The following GRIP1 variants were observed in gnomAD, a reference collection of about 807,000 sequenced individuals.
GRIP1 encodes the protein glutamate receptor-interacting protein 1.
A neutral mutation model predicts 129.9 loss-of-function variants in GRIP1; 45 were observed. That is an observed-to-expected ratio of 0.35 (90% CI 0.27 to 0.44). The LOEUF is 0.44. Among genes scored for constraint, GRIP1 ranks in the 20% least tolerant of loss-of-function variants. The pLI is 1.00. For missense variants in GRIP1, 1,196 were observed against 1,396.8 expected (o/e 0.86, Z 2.29); for synonymous variants, 530 against 520.8 (o/e 1.02, Z -0.24).
chr12:66,815,062 T>C (rs956512934), intron 1 of GRIP1, among the ~76,000 whole-genome samples: 1 of 152,208 alleles, frequency 6.6e-6, no homozygotes, highest in Non-Finnish European at 1.5e-5. Context: ...AGCCAAACTA[T>C]ATCAGCAGAT....
At chr12:66,626,865 A>C (rs917596708) in intron 1 of GRIP1, 1 of 152,438 alleles carries the variant, frequency 6.6e-6, no homozygotes, top group East Asian at 1.9e-4. Flanking sequence ...AGAACTTGGC[A>C]CTGATGCTAT....
At chr12:66,653,791 ATATCTATACTCAAAAACAAGATT>A (rs971460099) in intron 1 of GRIP1, among the ~76,000 whole-genome samples, 2 of 152,242 alleles carry the variant, frequency 1.3e-5, no homozygotes, top group Non-Finnish European at 2.9e-5. Context: ...TTTAGGGGGC[ATATCTATACTCAAAAACAAGATT>A]TATACCTCTG....
At chr12:66,865,171 C>G (rs139705963) in intron 1 of GRIP1, among the ~76,000 whole-genome samples, 1 of 152,080 alleles carries the variant, frequency 6.6e-6, no homozygotes, top group African/African-American at 2.4e-5. Context: ...CAAGGAAGCA[C>G]GGCAAGAAGA....
chr12:66,477,716 A>G (rs1393291017), intron 7 of GRIP1, among the ~76,000 whole-genome samples: 5 of 152,232 alleles, frequency 3.3e-5, no homozygotes, highest in Non-Finnish European at 5.9e-5. Context: ...GCCCTCAGAA[A>G]TAATACCACA....
chr12:67,057,238 G>A (rs556433045), intron 1 of GRIP1, among the ~76,000 whole-genome samples: 2 of 152,140 alleles, frequency 1.3e-5, no homozygotes, highest in South Asian at 2.1e-4. Context: ...ATAAGGGTGT[G>A]CCCTGATCTG....
rs192486869 is a variant in GRIP1, at chr12:66,487,760, G to A, written c.725-22338C>T. ...ACCCATCTCATGTGCAAAGACACAC[G>A]TAGACTGAAAATAAAGGGATGGAGG... is the stretch of plus-strand genomic sequence containing the variant. On this transcript the variant is annotated intron_variant, in intron 7 of 24. Transcript: ENST00000359742. Among the ~76,000 whole-genome samples the A allele has an allele frequency of 1.6e-3, 247 of 152,174 alleles. 2 individuals carry two copies. Among genetic ancestry groups the A allele is most frequent in the East Asian group, 9.7e-4 (5 of 5,180 alleles).
intron 1 of GRIP1, among the ~76,000 whole-genome samples, chr12:67,063,489 G>A (rs958389279): frequency 4.6e-5 from 7 of 152,074 alleles, no homozygotes; most frequent in Non-Finnish European, 8.8e-5. Context: ...TTATATTTAA[G>A]AATCTTTTCA....
At chr12:66,745,250 C>A (rs1240367161) in intron 1 of GRIP1, among the ~76,000 whole-genome samples, 1 of 152,170 alleles carries the variant, frequency 6.6e-6, no homozygotes, top group African/African-American at 2.4e-5. Context: ...GAAGAAAATA[C>A]ACAAATGACT....
intron 19 of GRIP1, among the ~76,000 whole-genome samples, chr12:66,380,185 C>T (rs1327454909): frequency 6.6e-6 from 1 of 152,130 alleles, no homozygotes; most frequent in Non-Finnish European, 1.5e-5. Context: ...GCTGTGATTA[C>T]AGGTGTGAGC....
intron 5 of GRIP1, among the ~76,000 whole-genome samples, chr12:66,524,810 A>G (rs2061162747): frequency 6.6e-6 from 1 of 152,222 alleles, no homozygotes; most frequent in African/African-American, 2.4e-5. Flanking sequence ...AATAGAGAGA[A>G]GAATCAAATA....
chr12:66,860,908 C>A (rs2040100074), intron 1 of GRIP1, among the ~76,000 whole-genome samples: 1 of 151,958 alleles, frequency 6.6e-6, no homozygotes, highest in Non-Finnish European at 1.5e-5. Flanking sequence ...CACATTGTGG[C>A]AACAGAAAGC....
At chr12:66,897,672 CAG>C (rs1396252023) in intron 1 of GRIP1, among the ~76,000 whole-genome samples, 1 of 152,188 alleles carries the variant, frequency 6.6e-6, no homozygotes, top group Non-Finnish European at 1.5e-5. Context: ...CACCAGGTAA[CAG>C]ATCCAATTAT....
intron 1 of GRIP1, among the ~76,000 whole-genome samples, chr12:66,766,674 A>G (rs892240300): frequency 2.0e-5 from 3 of 151,688 alleles, no homozygotes; most frequent in African/African-American, 7.3e-5. Flanking sequence ...CAGTAACAGT[A>G]CAGGAGGTTC....
At chr12:66,521,773 G>C (rs1454123294) in intron 5 of GRIP1, among the ~76,000 whole-genome samples, 1 of 152,202 alleles carries the variant, frequency 6.6e-6, no homozygotes, top group Non-Finnish European at 1.5e-5. Flanking sequence ...GGTGACAGAC[G>C]GCACCTGGAA....
At chr12:66,506,071 T>C (rs533141904) in intron 7 of GRIP1, among the ~76,000 whole-genome samples, 12 of 152,302 alleles carry the variant, frequency 7.9e-5, no homozygotes, top group Non-Finnish European at 1.5e-4. Flanking sequence ...ATGTGAAGGA[T>C]GTGAAACTGT....
chr12:67,008,332 T>C (rs776339025), intron 1 of GRIP1, among the ~76,000 whole-genome samples: 28 of 152,166 alleles, frequency 1.8e-4, no homozygotes, highest in Non-Finnish European at 3.5e-4. Flanking sequence ...ATGTGGAGTT[T>C]GGATAAGCAA....
intron 15 of GRIP1, among the ~76,000 whole-genome samples, chr12:66,413,371 A>T (rs1198230335): frequency 1.3e-5 from 2 of 152,154 alleles, no homozygotes; most frequent in Non-Finnish European, 2.9e-5. Flanking sequence ...GAATAATAAA[A>T]TTAAGGCAGA....
intron 1 of GRIP1, among the ~76,000 whole-genome samples, chr12:66,718,889 T>C (rs1339628490): frequency 6.6e-6 from 1 of 152,012 alleles, no homozygotes; most frequent in East Asian, 1.9e-4. Context: ...TAAATATTCT[T>C]TGTAAACTTA....
At chr12:66,532,747 T>C (rs1014736886) in intron 4 of GRIP1, among the ~76,000 whole-genome samples, 1 of 151,984 alleles carries the variant, frequency 6.6e-6, no homozygotes, top group Non-Finnish European at 1.5e-5. Flanking sequence ...GACCTGAGAC[T>C]CTTTCTCCCT....
Sources: gnomAD v4.1 joint callset for allele counts (sites outside exome capture counted in the v4.1 genomes callset) on GRCh38, gnomAD v4.1.1 for gene constraint, MANE v1.5 for transcripts, NCBI Gene and HGNC (gene_info 2026-07-23, HGNC 2026-07-21) for gene names.